The following MS4A6A variants were observed in gnomAD, a reference collection of about 807,000 sequenced individuals.
MS4A6A encodes the protein membrane spanning 4-domains A6A.
MS4A6A carries 19 observed loss-of-function variants against 20.6 expected under a neutral mutation model. The ratio of observed to expected loss-of-function variants is 0.92; its 90% CI spans 0.64 to 1.36. The LOEUF (loss-of-function observed/expected upper bound fraction) is 1.36. MS4A6A is among the 40% of genes most tolerant of loss of function. MS4A6A has a pLI of 0.00. For synonymous variants in MS4A6A, 108 were observed against 105.0 expected, an observed-to-expected ratio of 1.03 and a Z score of -0.17; for missense variants, 272 against 261.1, an observed-to-expected ratio of 1.04 and a Z score of -0.29.
intron 2 of MS4A6A, chr11:60,181,180 T>C (rs1248558687): frequency 1.5e-5 from 6 of 388,902 alleles, no homozygotes; most frequent in African/African-American, 1.1e-4. Flanking sequence ...AAAGGAGTTG[T>C]ATATTTCCTC....
At chr11:60,174,116 G>A (rs1856717283) in intron 5 of MS4A6A, among the ~76,000 whole-genome samples, 1 of 152,156 alleles carries the variant, frequency 6.6e-6, no homozygotes, top group Non-Finnish European at 1.5e-5. Flanking sequence ...GCTGTGCCAG[G>A]TATTAATCTG....
chr11:60,181,545 C>G, intron 2 of MS4A6A, 36 bp downstream of exon 2: 1 of 1,612,260 alleles, frequency 6.2e-7, no homozygotes, highest in Non-Finnish European at 8.5e-7. Context: ...GGCACTTCCC[C>G]CAACCCCTCT....
intron 5 of MS4A6A, among the ~76,000 whole-genome samples, chr11:60,174,286 A>C (rs1446085193): frequency 2.0e-5 from 3 of 151,086 alleles, no homozygotes; most frequent in African/African-American, 7.3e-5. Flanking sequence ...TCTTGTTTTT[A>C]TGATTGCAGG....
At chr11:60,181,080 C>T in intron 2 of MS4A6A, 2 of 452,896 alleles carry the variant, frequency 4.4e-6, no homozygotes, top group Admixed American at 2.4e-5. Flanking sequence ...TGCAATACAG[C>T]TTCTTTAATA....
chr11:60,175,563 C>T lies in MS4A6A; in HGVS notation c.388G>A (p.Val130Met), dbSNP rs758365547. The T allele has an allele frequency of 1.9e-6, 3 of 1,613,974 alleles. No homozygotes were observed. Among genetic ancestry groups the T allele is most frequent in the Non-Finnish European group, 2.5e-6 (3 of 1,180,024 alleles). ...TTGACAGACAGGATAATGAAACCCA[C>T]CAGGGCAGACAGAGCACTCAGAATG... ...GSILSALSAL[V>M]GFIILSVKQA... The change falls in exon 5 of 6, where the codon GTG (valine) becomes ATG (methionine). Residue 130 changes from valine to methionine, a missense_variant. Transcript: ENST00000528851.
intron 5 of MS4A6A, among the ~76,000 whole-genome samples, 174 bp downstream of exon 5, chr11:60,175,228 G>A (rs929166222): frequency 1.3e-5 from 2 of 152,086 alleles, no homozygotes; most frequent in Non-Finnish European, 2.9e-5. Flanking sequence ...CACTCTATTA[G>A]TATGTAATCC....
chr11:60,172,174 T>C, downstream of MS4A6A: 2 of 1,612,646 alleles, frequency 1.2e-6, no homozygotes, highest in Non-Finnish European at 1.7e-6. Flanking sequence ...AGTCAATAGT[T>C]CTTCATATCC....
intron 3 of MS4A6A, chr11:60,179,587 T>C (rs530224188): frequency 5.0e-6 from 3 of 605,054 alleles, no homozygotes; most frequent in East Asian, 2.7e-5. Context: ...AGCTTCATCA[T>C]AGCTCAAGAT....
At position 60,179,993 on chromosome 11, in the gene MS4A6A, A is replaced by G. The variant is rs202162706; in HGVS notation, c.148-28T>C. On this transcript the variant is annotated intron_variant, in intron 2 of 5. Transcript: ENST00000528851. ...GTGGGAAGAGAAAGTGAGATTGAGG[A>G]TGAAAACCAGCATTTGTAAAGACAG... is the stretch of plus-strand genomic sequence containing the variant. 260 of 1,606,884 alleles carry G rather than the reference A, an allele frequency of 1.6e-4. No homozygotes were observed. In the African/African-American group the frequency reaches 3.2e-3, roughly 20 times the overall value.
intron 3 of MS4A6A, 152 bp downstream of exon 3, chr11:60,179,679 C>T (rs1367480504): frequency 7.2e-6 from 6 of 832,660 alleles, no homozygotes; most frequent in South Asian, 1.4e-5. Context: ...CAAGCAACCC[C>T]TGTCATCCTA....
chr11:60,173,400 C>T (rs1856681250), intron 5 of MS4A6A, among the ~76,000 whole-genome samples: 1 of 152,172 alleles, frequency 6.6e-6, no homozygotes, highest in South Asian at 2.1e-4. Flanking sequence ...TTGAGACATC[C>T]ATAGTTCTGA....
At position 60,175,532 on chromosome 11, in the gene MS4A6A, G is replaced by A. The variant is rs1298273168; in HGVS notation, c.419C>T (p.Ala140Val). The change falls in exon 5 of 6, where the codon GCC becomes GTC. Residue 140 changes from alanine to valine, a missense_variant. Coordinates refer to ENST00000528851, the MANE Select transcript of MS4A6A (RefSeq NM_022349.4). The stretch of plus-strand genomic sequence containing the variant: ...CTGCAGTGAGGCAGGATTTAAGGTG[G>A]CCTGTTTGACAGACAGGATAATGAA... ...VGFIILSVKQ[A>V]TLNPASLQCE... 1 of 1,614,074 alleles carries A rather than the reference G, an allele frequency of 6.2e-7. No homozygotes were observed. The highest frequency in any genetic ancestry group is 8.5e-7 in the Non-Finnish European group (1 of 1,179,986).
upstream of MS4A6A, chr11:60,183,113 G>T: frequency 6.5e-7 from 1 of 1,534,510 alleles, no homozygotes; most frequent in Non-Finnish European, 8.7e-7. Flanking sequence ...AGTGTTTACA[G>T]CTATACAGGA....
intron 4 of MS4A6A, chr11:60,177,056 A>G (rs1468228317): frequency 1.3e-5 from 2 of 152,238 alleles, no homozygotes; most frequent in Non-Finnish European, 2.9e-5. Context: ...CAGTTGCACT[A>G]TATTTCACAT....
In MS4A6A at chr11:60,175,030, C is replaced by T. The variant is rs549136931; in HGVS notation, c.549+372G>A. Among the ~76,000 whole-genome samples, 27 of 152,166 alleles carry T rather than the reference C, an allele frequency of 1.8e-4. No homozygotes were observed. In the South Asian group the frequency reaches 4.4e-3, roughly 25 times the overall value. ...TGCACACATACTGTTTCCTTGTTGGCCTATTCTGATCTCCTGGGTCTTTCT... is the reference window on the plus strand; with the variant it reads ...TGCACACATACTGTTTCCTTGTTGGTCTATTCTGATCTCCTGGGTCTTTCT... On this transcript the variant is annotated intron_variant, in intron 5 of 5. Transcript: ENST00000528851.
upstream of MS4A6A, chr11:60,183,470 A>G (rs925298664): frequency 2.8e-6 from 1 of 361,786 alleles, no homozygotes; most frequent in Non-Finnish European, 5.0e-6. Context: ...ATCATAATAT[A>G]GAGAAAGAAC....
chr11:60,176,002 G>C (rs1202970581), intron 4 of MS4A6A, among the ~76,000 whole-genome samples: 1 of 152,170 alleles, frequency 6.6e-6, no homozygotes, highest in Admixed American at 6.5e-5. Context: ...AAAAACCCCT[G>C]GCGGAAGCAT....
intron 4 of MS4A6A, among the ~76,000 whole-genome samples, chr11:60,176,830 C>G (rs543996551): frequency 6.6e-6 from 1 of 152,084 alleles, no homozygotes; most frequent in Non-Finnish European, 1.5e-5. Flanking sequence ...GCTAAAGCCT[C>G]GATGTCTCTG....
At chr11:60,173,276 C>T (rs1361560359) in intron 5 of MS4A6A, 147 bp from the exon 6 acceptor site, 1 of 675,160 alleles carries the variant, frequency 1.5e-6, no homozygotes, top group Admixed American at 2.4e-5. Context: ...CTGCTCCTCC[C>T]ACACCTCACA....
Sources: gnomAD v4.1 joint callset for allele counts (sites outside exome capture counted in the v4.1 genomes callset) on GRCh38, gnomAD v4.1.1 for gene constraint, MANE v1.5 for transcripts, NCBI Gene and HGNC (gene_info 2026-07-23, HGNC 2026-07-21) for gene names.